Variants in CDYL observed in about 807,000 individuals in gnomAD.
CDYL encodes the protein chromodomain Y like, also known as chromodomain Y-like protein.
A neutral mutation model predicts 47.3 loss-of-function variants in CDYL; 8 were observed. The observed-to-expected ratio is 0.17, with a 90% CI of 0.10 to 0.31. CDYL has a LOEUF of 0.31. Among genes scored for constraint, CDYL ranks in the 10% least tolerant of loss-of-function variants. CDYL has a pLI of 1.00. For missense variants in CDYL, 471 were observed against 701.4 expected (o/e 0.67, Z 3.71); for synonymous variants, 266 against 265.0 (o/e 1.00, Z -0.04).
chr6:4,902,387 C>T (rs909656855), intron 2 of CDYL, among the ~76,000 whole-genome samples: 4 of 144,302 alleles, frequency 2.8e-5, no homozygotes, highest in Non-Finnish European at 6.0e-5. Context: ...GTCTGGGCAA[C>T]GAGTGAAGCT....
At chr6:4,829,228 C>T (rs1224758682) in intron 1 of CDYL, among the ~76,000 whole-genome samples, 2 of 151,994 alleles carry the variant, frequency 1.3e-5, no homozygotes, top group Non-Finnish European at 2.9e-5. Flanking sequence ...CCTTGTTTTG[C>T]TGGGATTTTT....
intron 3 of CDYL, among the ~76,000 whole-genome samples, chr6:4,757,847 G>C (rs148374797): frequency 1.8e-3 from 279 of 151,862 alleles, no homozygotes; most frequent in African/African-American, 6.6e-3. Context: ...GACCAGCCTG[G>C]GCAACATAGT....
intron 4 of CDYL, among the ~76,000 whole-genome samples, chr6:4,940,663 CT>C (rs1758336535): frequency 6.6e-6 from 1 of 152,222 alleles, no homozygotes. Flanking sequence ...CAGCATTAGG[CT>C]TTTGAAGTCT....
chr6:4,781,115 A>G (rs1758607200), intron 1 of CDYL, among the ~76,000 whole-genome samples: 1 of 152,222 alleles, frequency 6.6e-6, no homozygotes, highest in Admixed American at 6.5e-5. Context: ...AAATGGAAGT[A>G]AGCTTTTAAG....
intron 1 of CDYL, among the ~76,000 whole-genome samples, chr6:4,832,991 C>A (rs75147255): frequency 6.6e-6 from 1 of 151,768 alleles, no homozygotes; most frequent in East Asian, 1.9e-4. Context: ...TGCTAGCAGT[C>A]TATCAATTTT....
In CDYL at chr6:4,955,099, T is replaced by C. The variant is rs1581301045; in HGVS notation, c.*1043T>C. On this transcript the variant is annotated 3_prime_UTR_variant, in exon 7 of 7. Coordinates refer to ENST00000397588, the MANE Select transcript of CDYL (RefSeq NM_004824.4). Reference sequence around the variant, plus strand: ...AAAACAAAAAAGAACTACCTTATATTCAACATTTAATGTTCTTGGCCTCTG... The same window carrying C: ...AAAACAAAAAAGAACTACCTTATATCCAACATTTAATGTTCTTGGCCTCTG... The C allele has an allele frequency of 6.5e-6, 1 of 152,684 alleles. No individual in the cohort carries two copies. Among genetic ancestry groups the C allele is most frequent in the African/African-American group, 2.4e-5 (1 of 41,468 alleles). The allele number at this position is 152,684 out of a possible 1,614,324, so 9.5% of individuals were successfully genotyped here.
intron 3 of CDYL, among the ~76,000 whole-genome samples, chr6:4,747,415 A>G (rs147309630): frequency 5.6e-4 from 85 of 152,036 alleles, no homozygotes; most frequent in Non-Finnish European, 1.1e-3. Context: ...AGCTCAGAGC[A>G]TTTCCTTTCT....
At chr6:4,889,288 G>A (rs943941633) in intron 1 of CDYL, among the ~76,000 whole-genome samples, 5 of 151,314 alleles carry the variant, frequency 3.3e-5, no homozygotes, top group East Asian at 1.9e-4. Flanking sequence ...GCAGTGGCTC[G>A]ATCTTGGCTC....
rs528690891 is a variant in CDYL at position 4,797,618 on chromosome 6, C to T, written c.24+20811C>T. On this transcript the variant is annotated intron_variant, in intron 1 of 6. Coordinates refer to ENST00000397588, the MANE Select transcript of CDYL (RefSeq NM_004824.4). ...GTCAATTCCCATCTTACTCTAGACC[C>T]CTGGCAACCATGAATCCACTTTTTG... Among the ~76,000 whole-genome samples the T allele has an allele frequency of 9.2e-5, 14 of 152,284 alleles. 1 individual carries two copies. The South Asian group carries it at 2.5e-3, about 27-fold the overall frequency.
chr6:4,827,640 A>C (rs1442012003), intron 1 of CDYL, among the ~76,000 whole-genome samples: 1 of 152,074 alleles, frequency 6.6e-6, no homozygotes, highest in Non-Finnish European at 1.5e-5. Flanking sequence ...ATTGATAATT[A>C]TTTTTCATGC....
intron 1 of CDYL, among the ~76,000 whole-genome samples, chr6:4,873,928 C>T (rs1486935974): frequency 6.6e-6 from 1 of 152,170 alleles, no homozygotes. Flanking sequence ...CCTGTCTGTA[C>T]CTGGGTACAC....
At chr6:4,924,758 A>G (rs1381387373) in intron 2 of CDYL, among the ~76,000 whole-genome samples, 2 of 152,244 alleles carry the variant, frequency 1.3e-5, no homozygotes, top group African/African-American at 2.4e-5. Context: ...GAGTTCTGCT[A>G]TAATGTGATA....
intron 1 of CDYL, among the ~76,000 whole-genome samples, chr6:4,876,303 T>C (rs767726664): frequency 6.6e-6 from 1 of 152,238 alleles, no homozygotes; most frequent in Non-Finnish European, 1.5e-5. Flanking sequence ...CCTATAAATA[T>C]TTTTGTACAA....
At chr6:4,741,001 G>A (rs889913540) in intron 3 of CDYL, among the ~76,000 whole-genome samples, 10 of 152,010 alleles carry the variant, frequency 6.6e-5, no homozygotes. Flanking sequence ...TGGCCAGGCT[G>A]GTCTCGAACT....
intron 1 of CDYL, among the ~76,000 whole-genome samples, chr6:4,856,184 G>A (rs570775358): frequency 8.5e-5 from 13 of 152,266 alleles, no homozygotes; most frequent in African/African-American, 3.1e-4. Flanking sequence ...GTAGAGGAGA[G>A]GGGCATCACA....
At chr6:4,902,003 C>T (rs1411071354) in intron 2 of CDYL, among the ~76,000 whole-genome samples, 2 of 152,156 alleles carry the variant, frequency 1.3e-5, no homozygotes, top group African/African-American at 4.8e-5. Context: ...TCTCTTCCTC[C>T]TACGTTTCAA....
At chr6:4,738,396 T>TAAAAAC (rs1258825219) in intron 3 of CDYL, among the ~76,000 whole-genome samples, 7 of 764 alleles carry the variant, frequency 9.2e-3, no homozygotes, top group Admixed American at 0.013. Context: ...TAGTAATAAG[T>TAAAAAC]AAAAATAAAA....
At chr6:4,840,202 T>G (rs1204164908) in intron 1 of CDYL, among the ~76,000 whole-genome samples, 16 of 152,160 alleles carry the variant, frequency 1.1e-4, no homozygotes, top group Admixed American at 7.9e-4. Flanking sequence ...TTGATTTGAG[T>G]CTCACCTTGG....
intron 2 of CDYL, among the ~76,000 whole-genome samples, chr6:4,726,891 A>G (rs1757524587): frequency 6.6e-6 from 1 of 152,096 alleles, no homozygotes; most frequent in African/African-American, 2.4e-5. Context: ...TTCTCTTTGT[A>G]AAATGTGGGA....
Sources: gnomAD v4.1 joint callset for allele counts (sites outside exome capture counted in the v4.1 genomes callset) on GRCh38, gnomAD v4.1.1 for gene constraint, MANE v1.5 for transcripts, NCBI Gene and HGNC (gene_info 2026-07-23, HGNC 2026-07-21) for gene names.